Variants in MAPK10 observed in about 807,000 individuals in gnomAD.
MAPK10 encodes JNK3 alpha protein kinase.
MAPK10 carries 25 observed loss-of-function variants against 59.3 expected under a neutral mutation model. That is an observed-to-expected ratio of 0.42 (90% CI 0.31 to 0.59). The LOEUF (loss-of-function observed/expected upper bound fraction) is 0.59, where lower values mean the gene tolerates loss of function less well. Among genes scored for constraint, MAPK10 ranks in the 20% least tolerant of loss-of-function variants. The probability of loss-of-function intolerance (pLI) is 0.15; values close to 1 mark genes in which losing one functional copy is unlikely to be tolerated. For synonymous variants in MAPK10, 190 were observed against 200.5 expected, an observed-to-expected ratio of 0.95 and a Z score of 0.44; for missense variants, 351 against 568.9, an observed-to-expected ratio of 0.62 and a Z score of 3.90.
chr4:86,224,254 A>G (rs2090213157), intron 2 of MAPK10, among the ~76,000 whole-genome samples: 1 of 152,208 alleles, frequency 6.6e-6, no homozygotes, highest in Non-Finnish European at 1.5e-5. Flanking sequence ...GGAAAGACAG[A>G]TATTATCAAT....
At position 86,417,023 on chromosome 4, in the gene MAPK10, A is replaced by C. The variant is rs151296269; in HGVS notation, c.-122+36007T>G. Among the ~76,000 whole-genome samples the C allele has an allele frequency of 4.7e-3, 721 of 152,320 alleles. 6 individuals are homozygous for C. The highest frequency in any genetic ancestry group is 8.8e-3 in the Non-Finnish European group (598 of 68,026). On this transcript the variant is annotated intron_variant, in intron 1 of 13. Coordinates refer to the MAPK10 transcript ENST00000361569. ...TTCAATACTCTAAGAGAACACCTGC[A>C]TTATCTGCTTTTGTTAACATGTACA...
chr4:86,481,083 G>GC (rs1320309482), intron 1 of MAPK10, among the ~76,000 whole-genome samples: 1 of 152,142 alleles, frequency 6.6e-6, no homozygotes, highest in Non-Finnish European at 1.5e-5. Context: ...ATCAGACAAA[G>GC]CAAGTCAGAG....
chr4:86,184,097 TC>T (rs2077577378), intron 3 of MAPK10, among the ~76,000 whole-genome samples: 1 of 152,218 alleles, frequency 6.6e-6, no homozygotes, highest in African/African-American at 2.4e-5. Context: ...GGTTGCCTGT[TC>T]ACTCTGATGG....
At chr4:86,144,474 A>G (rs2064386435) in intron 4 of MAPK10, among the ~76,000 whole-genome samples, 1 of 152,164 alleles carries the variant, frequency 6.6e-6, no homozygotes, top group African/African-American at 2.4e-5. Flanking sequence ...CCTCTAGAGA[A>G]AAAATTGTTT....
intron 13 of MAPK10, among the ~76,000 whole-genome samples, chr4:86,021,226 G>A (rs111286713): frequency 2.2e-4 from 33 of 149,388 alleles, no homozygotes; most frequent in African/African-American, 6.9e-4. Context: ...ACACAGTGCC[G>A]ATTGGTATAT....
chr4:86,194,357 A>G lies in MAPK10; in HGVS notation c.45T>C (p.Asp15=). Residue 15 remains aspartate (D), a synonymous_variant, in exon 3 of 14, where the codon GAT becomes GAC. Coordinates refer to ENST00000641462, the MANE Select transcript of MAPK10 (RefSeq NM_138982.4). The part of the protein sequence containing the change: ...FLYYCSEPTL[D]VKIAFCQGFD... ...ACACCTGACAAAAGGCAATTTTCACATCCAATGTTGGTTCACTGCAGTAGT... is the reference window on the plus strand; with the variant it reads ...ACACCTGACAAAAGGCAATTTTCACGTCCAATGTTGGTTCACTGCAGTAGT... 6.2e-7 allele frequency: 1 copy of G among 1,613,674 alleles called. No individual in the cohort carries two copies. The highest frequency in any genetic ancestry group is 8.5e-7 in the Non-Finnish European group (1 of 1,179,612).
At chr4:86,462,372 T>C (rs1242686308) in intron 1 of MAPK10, among the ~76,000 whole-genome samples, 1 of 152,196 alleles carries the variant, frequency 6.6e-6, no homozygotes, top group Non-Finnish European at 1.5e-5. Flanking sequence ...CTGATTGTGC[T>C]GTATGTGGAA....
intron 2 of MAPK10, among the ~76,000 whole-genome samples, chr4:86,240,440 C>G (rs1367710818): frequency 2.0e-5 from 3 of 152,154 alleles, no homozygotes; most frequent in African/African-American, 7.2e-5. Flanking sequence ...CTAATACTGA[C>G]AGTGGGGTGT....
intron 3 of MAPK10, chr4:86,164,408 C>T (rs1197599097): frequency 6.6e-6 from 1 of 151,596 alleles, no homozygotes; most frequent in African/African-American, 2.4e-5. Flanking sequence ...TCTGGAACAC[C>T]AAAGGAAAAA....
At chr4:86,278,111 T>C (rs1368193748) in intron 2 of MAPK10, among the ~76,000 whole-genome samples, 1 of 152,170 alleles carries the variant, frequency 6.6e-6, no homozygotes, top group Non-Finnish European at 1.5e-5. Flanking sequence ...TATTTTGGCA[T>C]GTTTTACTCA....
At chr4:86,102,653 T>C (rs1482517408) in intron 6 of MAPK10, among the ~76,000 whole-genome samples, 1 of 152,150 alleles carries the variant, frequency 6.6e-6, no homozygotes, top group African/African-American at 2.4e-5. Flanking sequence ...CCTGAATAGC[T>C]GGGACTACAG....
At chr4:86,316,028 T>G (rs886293372) in intron 2 of MAPK10, among the ~76,000 whole-genome samples, 1 of 152,202 alleles carries the variant, frequency 6.6e-6, no homozygotes, top group Admixed American at 6.6e-5. Context: ...CTATAAATTT[T>G]TTTTAAAGGA....
intron 9 of MAPK10, chr4:86,095,792 TTAAC>T (rs1210831421): frequency 1.3e-5 from 2 of 151,772 alleles, no homozygotes; most frequent in Non-Finnish European, 2.9e-5. Context: ...AGCACATTGT[TTAAC>T]TGAGATTTCT....
At chr4:86,073,963 C>G (rs1368260973) in intron 9 of MAPK10, among the ~76,000 whole-genome samples, 2 of 101,526 alleles carry the variant, frequency 2.0e-5, no homozygotes, top group Non-Finnish European at 4.1e-5. Context: ...GACTTTCTGT[C>G]TCGTTGATCT....
chr4:86,208,963 A>G (rs2149348952), intron 2 of MAPK10, among the ~76,000 whole-genome samples: 1 of 152,224 alleles, frequency 6.6e-6, no homozygotes, highest in Admixed American at 6.6e-5. Flanking sequence ...AATAGTTAGT[A>G]TATAAGACAC....
chr4:86,552,545 G>GGAAC (rs1219919267), intron 1 of MAPK10, among the ~76,000 whole-genome samples: 1 of 147,990 alleles, frequency 6.8e-6, no homozygotes, highest in African/African-American at 2.5e-5. Flanking sequence ...AAGGAAGGAA[G>GGAAC]GAAGGAAGGA....
chr4:86,031,028 G>A (rs145142900), intron 12 of MAPK10, among the ~76,000 whole-genome samples: 1 of 152,206 alleles, frequency 6.6e-6, no homozygotes, highest in East Asian at 1.9e-4. Context: ...ATGATTTTAT[G>A]TACAAACATA....
chr4:86,285,366 A>ACCAC (rs2094961817), intron 2 of MAPK10, among the ~76,000 whole-genome samples: 1 of 151,784 alleles, frequency 6.6e-6, no homozygotes, highest in Non-Finnish European at 1.5e-5. Flanking sequence ...ACAGGTGCAC[A>ACCAC]CCACCATGCC....
At chr4:86,515,475 C>T (rs1420820062) in intron 1 of MAPK10, among the ~76,000 whole-genome samples, 1 of 152,184 alleles carries the variant, frequency 6.6e-6, no homozygotes. Context: ...GTTCCCTTTT[C>T]ACCATATCCA....
Sources: gnomAD v4.1 joint callset for allele counts (sites outside exome capture counted in the v4.1 genomes callset) on GRCh38, gnomAD v4.1.1 for gene constraint, MANE v1.5 for transcripts, NCBI Gene and HGNC (gene_info 2026-07-23, HGNC 2026-07-21) for gene names.